CAST: variants seen among roughly 807,000 people sequenced by gnomAD.
The protein encoded by CAST is MIR583 host.
Under a neutral mutation model 119.6 loss-of-function variants are expected in CAST, and 76 were observed. The ratio of observed to expected loss-of-function variants is 0.64; its 90% CI spans 0.53 to 0.77. CAST has a LOEUF of 0.77. Ranked by LOEUF, CAST falls within the 30% of genes least tolerant of loss-of-function variation. CAST has a pLI of 0.00. For missense variants in CAST, 953 were observed against 946.5 expected (o/e 1.01, Z -0.09); for synonymous variants, 319 against 331.6 (o/e 0.96, Z 0.41).
At chr5:96,412,326 C>T in the CAST span, 2 of 1,614,042 alleles carry the variant, frequency 1.2e-6, no homozygotes, top group Non-Finnish European at 1.7e-6. Context: ...ACCTGTTTGA[C>T]ACCATATTCA....
intron 3 of CAST, among the ~76,000 whole-genome samples, chr5:96,711,151 CAATTAA>C (rs918615270): frequency 6.6e-6 from 1 of 152,122 alleles, no homozygotes; most frequent in Non-Finnish European, 1.5e-5. Flanking sequence ...TCCATATTTT[CAATTAA>C]AATCTTTGTG....
the CAST span, among the ~76,000 whole-genome samples, chr5:95,999,114 A>T: frequency 6.6e-6 from 1 of 151,800 alleles, no homozygotes; most frequent in African/African-American, 2.4e-5. Context: ...TCCCAGTAAG[A>T]CCCCATGCCT....
At chr5:96,618,517 C>G (rs988301657) in intron 1 of CAST, among the ~76,000 whole-genome samples, 4 of 152,230 alleles carry the variant, frequency 2.6e-5, no homozygotes, top group African/African-American at 9.6e-5. Flanking sequence ...TGGAGGGAGA[C>G]GCACGGGTGG....
At chr5:96,408,543 A>G in the CAST span, among the ~76,000 whole-genome samples, 1 of 152,190 alleles carries the variant, frequency 6.6e-6, no homozygotes, top group Admixed American at 6.5e-5. Flanking sequence ...TGGCAGCAAG[A>G]TGCCTTTTCT....
At chr5:96,309,634 A>G in the CAST span, among the ~76,000 whole-genome samples, 792 of 152,190 alleles carry the variant, frequency 5.2e-3, 6 homozygotes, top group Middle Eastern at 0.01. Flanking sequence ...CCATGGAAAA[A>G]GCACAGTATC....
chr5:96,140,122 C>T, the CAST span, among the ~76,000 whole-genome samples: 1 of 152,150 alleles, frequency 6.6e-6, no homozygotes, highest in Non-Finnish European at 1.5e-5. Context: ...CTTAGATTGA[C>T]ATCCTAAATT....
the CAST span, among the ~76,000 whole-genome samples, chr5:96,501,477 A>C: frequency 6.6e-6 from 1 of 152,252 alleles, no homozygotes; most frequent in Non-Finnish European, 1.5e-5. Flanking sequence ...CTAGGGATAG[A>C]AATGGTAACC....
At chr5:96,551,456 G>A (rs1158878788) in intron 1 of CAST, among the ~76,000 whole-genome samples, 2 of 152,134 alleles carry the variant, frequency 1.3e-5, no homozygotes, top group African/African-American at 4.8e-5. Context: ...ACCAGCCACT[G>A]CAAAAACATG....
At chr5:96,457,257 T>C in the CAST span, among the ~76,000 whole-genome samples, 3 of 152,192 alleles carry the variant, frequency 2.0e-5, no homozygotes, top group Admixed American at 6.5e-5. Context: ...TCCATTGCTC[T>C]AGCCCAAGTC....
the CAST span, among the ~76,000 whole-genome samples, chr5:96,239,843 G>A: frequency 6.6e-6 from 1 of 151,360 alleles, no homozygotes; most frequent in Non-Finnish European, 1.5e-5. Flanking sequence ...TTTCTATAGT[G>A]TCAATTCTAT....
chr5:96,568,242 A>T (rs1474186204), intron 1 of CAST, among the ~76,000 whole-genome samples: 1 of 152,142 alleles, frequency 6.6e-6, no homozygotes, highest in Non-Finnish European at 1.5e-5. Flanking sequence ...CATTGTTGAC[A>T]GATGTTCTTT....
At chr5:96,046,847 G>A in the CAST span, among the ~76,000 whole-genome samples, 1 of 152,148 alleles carries the variant, frequency 6.6e-6, no homozygotes, top group African/African-American at 2.4e-5. Flanking sequence ...AGAGAAAAAT[G>A]AGGAAGAAGC....
At chr5:95,980,522 A>C in the CAST span, 1 of 152,178 alleles carries the variant, frequency 6.6e-6, no homozygotes. Context: ...GAAAATGTGG[A>C]GCCTCCTATT....
chr5:96,530,427 T>C (rs1745671040), intron 1 of CAST, among the ~76,000 whole-genome samples: 1 of 152,164 alleles, frequency 6.6e-6, no homozygotes. Context: ...AAACCAATAA[T>C]TGAAATATCT....
At chr5:96,084,744 C>T in the CAST span, among the ~76,000 whole-genome samples, 1 of 152,150 alleles carries the variant, frequency 6.6e-6, no homozygotes, top group Non-Finnish European at 1.5e-5. Context: ...GCTCAATGTT[C>T]ATATTCCAGG....
At chr5:96,654,217 G>A (rs1169204641) in intron 1 of CAST, among the ~76,000 whole-genome samples, 1 of 151,690 alleles carries the variant, frequency 6.6e-6, no homozygotes, top group Non-Finnish European at 1.5e-5. Context: ...AGTAGAGACA[G>A]GATTTCACCA....
At chr5:96,194,817 G>A in the CAST span, among the ~76,000 whole-genome samples, 1 of 152,236 alleles carries the variant, frequency 6.6e-6, no homozygotes, top group Non-Finnish European at 1.5e-5. Flanking sequence ...GAGGGCCACA[G>A]TGTAGGGTAC....
the CAST span, among the ~76,000 whole-genome samples, chr5:96,368,222 G>A: frequency 6.6e-6 from 1 of 151,750 alleles, no homozygotes; most frequent in African/African-American, 2.4e-5. Flanking sequence ...AGAATTGGCT[G>A]GGCACGATAG....
chr5:96,244,401 T>C, the CAST span, among the ~76,000 whole-genome samples: 153 of 152,314 alleles, frequency 1.0e-3, no homozygotes, highest in African/African-American at 3.4e-3. Context: ...CTGGGAAATA[T>C]GGTAAGCAAA....
Sources: gnomAD v4.1 joint callset for allele counts (sites outside exome capture counted in the v4.1 genomes callset) on GRCh38, gnomAD v4.1.1 for gene constraint, MANE v1.5 for transcripts, NCBI Gene and HGNC (gene_info 2026-07-23, HGNC 2026-07-21) for gene names.